The following TMEM154 variants were observed in gnomAD, a reference collection of about 807,000 sequenced individuals.
TMEM154 encodes the protein transmembrane protein 154.
A neutral mutation model predicts 24.5 loss-of-function variants in TMEM154; 27 were observed. The ratio of observed to expected loss-of-function variants is 1.10; its 90% confidence interval spans 0.81 to 1.52. The LOEUF (loss-of-function observed/expected upper bound fraction) is 1.52, where lower values mean the gene tolerates loss of function less well. TMEM154 is among the 40% of genes most tolerant of loss of function. The pLI is 0.00. For synonymous variants in TMEM154, 67 were observed against 76.8 expected, an observed-to-expected ratio of 0.87 and a Z score of 0.67; for missense variants, 228 against 213.4, an observed-to-expected ratio of 1.07 and a Z score of -0.43.
intron 6 of TMEM154, among the ~76,000 whole-genome samples, chr4:152,632,641 AT>A (rs1752069163): frequency 6.6e-6 from 1 of 152,198 alleles, no homozygotes; most frequent in African/African-American, 2.4e-5. Context: ...GAATCTGAAC[AT>A]TTTATATTAT....
chr4:152,662,695 T>A (rs760718047), intron 1 of TMEM154, among the ~76,000 whole-genome samples: 3 of 152,170 alleles, frequency 2.0e-5, no homozygotes, highest in Admixed American at 6.5e-5. Context: ...CTAAAACCAC[T>A]GTGTTTAAAG....
intron 6 of TMEM154, among the ~76,000 whole-genome samples, chr4:152,637,649 A>C (rs1288224829): frequency 6.6e-6 from 1 of 152,184 alleles, no homozygotes; most frequent in Non-Finnish European, 1.5e-5. Context: ...TCCATTTTTC[A>C]AGATGAAGAA....
chr4:152,626,245 C>T lies in TMEM154; in HGVS notation c.*2301G>A, dbSNP rs1751918784. ...ACATATCTTTTAAATATTCGAAAGT[C>T]AGATTTTGTTCTGATTGCCCTATCC... is the stretch of plus-strand genomic sequence containing the variant. On this transcript the variant is annotated 3_prime_UTR_variant, in exon 7 of 7. Transcript: ENST00000304385. The T allele has an allele frequency of 6.5e-6, 1 of 152,706 alleles. No individual in the cohort carries two copies. The highest frequency in any genetic ancestry group is 2.1e-4 in the South Asian group (1 of 4,828). 9.5% of individuals were successfully genotyped at this position (152,706 alleles called of 1,614,324 possible).
chr4:152,641,150 C>A (rs1246121873), intron 5 of TMEM154, 165 bp from the exon 6 acceptor site: 5 of 564,724 alleles, frequency 8.9e-6, no homozygotes, highest in East Asian at 3.3e-5. Context: ...GATGTCAAGG[C>A]TCTTGAAATG....
intron 1 of TMEM154, among the ~76,000 whole-genome samples, chr4:152,657,206 G>C (rs2149786083): frequency 6.7e-6 from 1 of 149,084 alleles, no homozygotes; most frequent in East Asian, 2.0e-4. Context: ...GAAAATGAGT[G>C]TTAGAAAACC....
In TMEM154 at chr4:152,626,154, A is replaced by C. The variant is rs1006664085; in HGVS notation, c.*2392T>G. ...ATTTATTAAAACAAGTTTCCTGAGAAGTTTGACTAGGCTATGTTGTTGTTA... is the reference window on the plus strand; with the variant it reads ...ATTTATTAAAACAAGTTTCCTGAGACGTTTGACTAGGCTATGTTGTTGTTA... On this transcript the variant is annotated 3_prime_UTR_variant, in exon 7 of 7. Transcript: ENST00000304385. 14 of 152,624 alleles carry C rather than the reference A, an allele frequency of 9.2e-5. No homozygotes were observed. The highest frequency in any genetic ancestry group is 3.4e-4 in the African/African-American group (14 of 41,438). 9.5% of individuals were successfully genotyped at this position (152,624 alleles called of 1,614,324 possible). A position where few individuals can be genotyped will look rare whatever the true frequency, so the allele number is the denominator to read the frequency against.
Position 152,627,070 on chromosome 4 carries a change from A to G in TMEM154, c.*1476T>C, listed in dbSNP as rs1751934272. ...GATAGCGTGATAGCAGTGGTTAAACACAACCAGCTAGTTATAGCTTTCATT... is the reference window on the plus strand; with the variant it reads ...GATAGCGTGATAGCAGTGGTTAAACGCAACCAGCTAGTTATAGCTTTCATT... On this transcript the variant is annotated 3_prime_UTR_variant, in exon 7 of 7. Transcript: ENST00000304385. The G allele has an allele frequency of 6.6e-6, 1 of 152,260 alleles. No homozygotes were observed. Among genetic ancestry groups the G allele is most frequent in the Non-Finnish European group, 1.5e-5 (1 of 68,054 alleles). The allele number at this position is 152,260 out of a possible 1,614,324, so 9.4% of individuals were successfully genotyped here.
In TMEM154 at chr4:152,623,279, T is replaced by G. The variant is rs74733270; in HGVS notation, c.*5267A>C. The G allele has an allele frequency of 1.4e-5, 2 of 144,698 alleles. No homozygotes were observed. The highest frequency in any genetic ancestry group is 5.1e-5 in the African/African-American group (2 of 39,576). 9.0% of individuals were successfully genotyped at this position (144,698 alleles called of 1,614,324 possible). A position where few individuals can be genotyped will look rare whatever the true frequency, so the allele number is the denominator to read the frequency against. On this transcript the variant is annotated 3_prime_UTR_variant, in exon 7 of 7. Coordinates refer to ENST00000304385, the MANE Select transcript of TMEM154 (RefSeq NM_152680.3). ...AAACAAAAGAAAGTCAAACACAGTG[T>G]TTTTTTTTTTTACATAATTTTCAGT...
In TMEM154 at chr4:152,644,379, AC is replaced by A. The variant is rs771428657; in HGVS notation, c.392+35del. ...GTCCACCTTAACAGTTGCTGTTCAC[AC>A]CCCAGGTGGATCAGAAGCAGCAGGG... On this transcript the variant is annotated intron_variant, in intron 4 of 6. Coordinates refer to ENST00000304385, the MANE Select transcript of TMEM154 (RefSeq NM_152680.3). 59 of 1,612,416 alleles carry A rather than the reference AC, an allele frequency of 3.7e-5. 1 individual carries two copies. The South Asian group carries it at 6.2e-4, about 17-fold the overall frequency.
intron 3 of TMEM154, among the ~76,000 whole-genome samples, chr4:152,652,090 A>G (rs76720455): frequency 5.3e-5 from 8 of 152,216 alleles, no homozygotes; most frequent in African/African-American, 1.9e-4. Flanking sequence ...AACAATTACA[A>G]CAGTAATATC....
At chr4:152,646,249 G>A (rs116225488) in intron 3 of TMEM154, among the ~76,000 whole-genome samples, 1,916 of 152,200 alleles carry the variant, frequency 0.013, 43 homozygotes, top group African/African-American at 0.044. Flanking sequence ...TTCAGGGTGA[G>A]CAAAAGCTAG....
chr4:152,654,064 A>G (rs996910980), intron 1 of TMEM154, among the ~76,000 whole-genome samples: 2 of 152,108 alleles, frequency 1.3e-5, no homozygotes, highest in Non-Finnish European at 2.9e-5. Flanking sequence ...AAGAAAAAAG[A>G]AAAGGAAAAT....
chr4:152,623,038 G>C lies in TMEM154; in HGVS notation c.*5508C>G, dbSNP rs190112480. The C allele has an allele frequency of 6.6e-6, 1 of 152,358 alleles. No homozygotes were observed. The highest frequency in any genetic ancestry group is 6.5e-5 in the Admixed American group (1 of 15,302). The allele number at this position is 152,358 out of a possible 1,614,324, so 9.4% of individuals were successfully genotyped here. ...TTTTGTAAAAATGGGGTTTCACCAT[G>C]TTGGCCAGGCTGGTCTCAAACTCCC... On this transcript the variant is annotated 3_prime_UTR_variant, in exon 7 of 7. Coordinates refer to ENST00000304385, the MANE Select transcript of TMEM154 (RefSeq NM_152680.3).
At chr4:152,629,120 T>G (rs896643155) in intron 6 of TMEM154, among the ~76,000 whole-genome samples, 2 of 152,200 alleles carry the variant, frequency 1.3e-5, no homozygotes, top group African/African-American at 4.8e-5. Context: ...AGCCAAAAAA[T>G]AATCCCTAGC....
At position 152,628,451 on chromosome 4, in the gene TMEM154, T is replaced by A; in HGVS notation, c.*95A>T. The A allele has an allele frequency of 6.3e-7, 1 of 1,582,764 alleles. No homozygotes were observed. The highest frequency in any genetic ancestry group is 1.1e-5 in the South Asian group (1 of 89,152). ...TTCTTGTGTCTATGTTGATTTGAAA[T>A]TAATTAAATTTGTATCCTCTTCATC... On this transcript the variant is annotated 3_prime_UTR_variant, in exon 7 of 7. Coordinates refer to ENST00000304385, the MANE Select transcript of TMEM154 (RefSeq NM_152680.3).
chr4:152,651,865 G>T (rs1728389242), intron 3 of TMEM154, among the ~76,000 whole-genome samples: 1 of 152,012 alleles, frequency 6.6e-6, no homozygotes, highest in Non-Finnish European at 1.5e-5. Context: ...CACTTAAAAT[G>T]AGAGATATGT....
intron 3 of TMEM154, 136 bp downstream of exon 3, chr4:152,652,402 C>A: frequency 1.5e-6 from 2 of 1,341,130 alleles, no homozygotes; most frequent in South Asian, 1.7e-5. Context: ...CATATATTCA[C>A]TTCTGGAAAA....
chr4:152,670,296 G>C (rs569449143), intron 1 of TMEM154, among the ~76,000 whole-genome samples: 197 of 152,302 alleles, frequency 1.3e-3, no homozygotes, highest in African/African-American at 4.5e-3. Flanking sequence ...TACATTAAAA[G>C]ATTTGGGAGG....
chr4:152,645,767 C>A (rs986979475), intron 3 of TMEM154, among the ~76,000 whole-genome samples: 1 of 152,130 alleles, frequency 6.6e-6, no homozygotes. Context: ...GGTTGGCAAG[C>A]TTGAATGGCA....
Sources: gnomAD v4.1 joint callset for allele counts (sites outside exome capture counted in the v4.1 genomes callset) on GRCh38, gnomAD v4.1.1 for gene constraint, MANE v1.5 for transcripts, NCBI Gene and HGNC (gene_info 2026-07-23, HGNC 2026-07-21) for gene names.